Variants in MGRN1 observed in about 807,000 individuals in gnomAD.
MGRN1 encodes mahogunin ring finger 1.
Under a neutral mutation model 69.2 loss-of-function variants are expected in MGRN1, and 29 were observed. That is an observed-to-expected ratio of 0.42 (90% confidence interval 0.31 to 0.57). The LOEUF is 0.57. Among genes scored for constraint, MGRN1 ranks in the 20% least tolerant of loss-of-function variants. The probability of loss-of-function intolerance (pLI) is 0.15; values close to 1 mark genes in which losing one functional copy is unlikely to be tolerated. For missense variants in MGRN1, 998 were observed against 796.2 expected (o/e 1.25, Z -3.05); for synonymous variants, 470 against 344.2 (o/e 1.37, Z -4.04).
chr16:4,630,613 A>C (rs991971202), intron 1 of MGRN1, among the ~76,000 whole-genome samples: 1 of 151,390 alleles, frequency 6.6e-6, no homozygotes, highest in Admixed American at 6.6e-5. Flanking sequence ...ACGCCCGGCT[A>C]ATTTTTGGAT....
At chr16:4,672,605 T>C (rs901747501) in intron 9 of MGRN1, 22 of 387,956 alleles carry the variant, frequency 5.7e-5, no homozygotes, top group Admixed American at 5.9e-5. Context: ...GGGCATATGG[T>C]CTCTGTTGCA....
chr16:4,636,665 G>C (rs1646185619), intron 1 of MGRN1, among the ~76,000 whole-genome samples: 1 of 152,182 alleles, frequency 6.6e-6, no homozygotes. Flanking sequence ...TAGGTAGGGT[G>C]AGGGGTGTGT....
At chr16:4,661,667 A>C (rs2078684584) in intron 5 of MGRN1, among the ~76,000 whole-genome samples, 1 of 152,232 alleles carries the variant, frequency 6.6e-6, no homozygotes, top group South Asian at 2.1e-4. Context: ...AGACCACGGC[A>C]CTTCTCAGCC....
chr16:4,641,006 G>T (rs988163544), intron 1 of MGRN1, among the ~76,000 whole-genome samples: 2 of 152,226 alleles, frequency 1.3e-5, no homozygotes, highest in African/African-American at 2.4e-5. Flanking sequence ...ACCTCAGCAG[G>T]TGTGGAGGGA....
chr16:4,683,787 A>T (rs988288373), intron 15 of MGRN1, 56 bp from the exon 16 acceptor site: 2 of 1,509,086 alleles, frequency 1.3e-6, no homozygotes, highest in Middle Eastern at 1.7e-4. Context: ...GCCCAGAGGG[A>T]CCTGCCGGGA....
At chr16:4,667,184 C>A (rs2078824027) in intron 7 of MGRN1, among the ~76,000 whole-genome samples, 1 of 152,240 alleles carries the variant, frequency 6.6e-6, no homozygotes, top group African/African-American at 2.4e-5. Flanking sequence ...CACCCACCTC[C>A]AGCCCCATGT....
Position 4,626,555 on chromosome 16 carries a change from A to T in MGRN1, c.88+1507A>T, listed in dbSNP as rs186478263. Among the ~76,000 whole-genome samples, 560 of 152,318 alleles carry T rather than the reference A, an allele frequency of 3.7e-3. 3 individuals carry two copies. The highest frequency in any genetic ancestry group is 0.024 in the Middle Eastern group (7 of 294). Reference sequence around the variant, plus strand: ...GAAGTCCCCAAATGGTAGCTGCTACAATTGCTCATAAAGGAAGATAAGTGA... The same window carrying T: ...GAAGTCCCCAAATGGTAGCTGCTACTATTGCTCATAAAGGAAGATAAGTGA... On this transcript the variant is annotated intron_variant, in intron 1 of 16. Transcript: ENST00000262370.
Position 4,674,317 on chromosome 16 carries a change from C to T in MGRN1, c.955+660C>T, listed in dbSNP as rs533684959. On this transcript the variant is annotated intron_variant, in intron 10 of 16. Transcript: ENST00000262370. ...TTATTTTATTTTTTTGAGATAGAGTCTCGCTCTGTCACCCAGGCTGGAGTG... is the reference window on the plus strand; with the variant it reads ...TTATTTTATTTTTTTGAGATAGAGTTTCGCTCTGTCACCCAGGCTGGAGTG... Among the ~76,000 whole-genome samples the T allele has an allele frequency of 5.9e-5, 9 of 151,826 alleles. No homozygotes were observed. In the East Asian group the frequency reaches 1.8e-3, roughly 30 times the overall value.
At chr16:4,663,578 G>GC (rs999503375) in intron 5 of MGRN1, among the ~76,000 whole-genome samples, 3 of 152,154 alleles carry the variant, frequency 2.0e-5, no homozygotes, top group African/African-American at 7.2e-5. Flanking sequence ...GCTGTTCTGT[G>GC]CCAGACACCG....
intron 16 of MGRN1, chr16:4,688,513 A>G (rs1044691447): frequency 1.0e-5 from 12 of 1,204,954 alleles, no homozygotes; most frequent in Non-Finnish European, 1.2e-5. Flanking sequence ...GAGGGCATCC[A>G]CCGCGGTGCC....
chr16:4,660,769 G>A (rs1302355519), intron 5 of MGRN1, among the ~76,000 whole-genome samples: 3 of 126,594 alleles, frequency 2.4e-5, no homozygotes, highest in Non-Finnish European at 5.7e-5. Flanking sequence ...GATGACTCCT[G>A]TGTGGACTCA....
At chr16:4,644,425 C>T (rs746475157) in intron 1 of MGRN1, among the ~76,000 whole-genome samples, 1 of 151,784 alleles carries the variant, frequency 6.6e-6, no homozygotes. Flanking sequence ...ATTTTCCTGC[C>T]TCAGCCTCCC....
chr16:4,681,636 C>G lies in MGRN1; in HGVS notation c.1218C>G (p.Pro406=). Residue 406 remains proline, a synonymous_variant, in exon 13 of 17, where the codon CCC becomes CCG. Transcript: ENST00000262370. ...TCCGGGCTGTCTCCCCGGCCATCCC[C>G]TCGGCCCCTCTTTATGAAGAAATCA... ...NGLRAVSPAI[P]SAPLYEEITY... The G allele has an allele frequency of 6.2e-7, 1 of 1,613,526 alleles. No individual in the cohort carries two copies. Among genetic ancestry groups the G allele is most frequent in the Non-Finnish European group, 8.5e-7 (1 of 1,180,020 alleles).
At chr16:4,672,024 G>C (rs558789355) in intron 9 of MGRN1, among the ~76,000 whole-genome samples, 1 of 152,300 alleles carries the variant, frequency 6.6e-6, no homozygotes. Context: ...TCCTGCCTCA[G>C]CCTCCTGAGT....
At chr16:4,638,853 C>T (rs886413290) in intron 1 of MGRN1, among the ~76,000 whole-genome samples, 36 of 152,184 alleles carry the variant, frequency 2.4e-4, no homozygotes, top group African/African-American at 4.8e-4. Context: ...CGGGTGGGAA[C>T]GATGGCTGAG....
chr16:4,665,087 C>G lies in MGRN1; in HGVS notation c.629-15C>G, dbSNP rs551926003. 4.3e-6 allele frequency: 7 copies of G among 1,614,202 alleles called. No homozygotes were observed. Among genetic ancestry groups the G allele is most frequent in the African/African-American group, 1.3e-5 (1 of 75,056 alleles). On this transcript the variant is annotated splice_polypyrimidine_tract_variant and intron_variant, in intron 6 of 16. Coordinates refer to ENST00000262370, the MANE Select transcript of MGRN1 (RefSeq NM_015246.4). ...GGCCCCGACTCTGACTACTCTGCCC[C>G]TCTCTCCCCAGCAGTGGTGGAAGTG...
intron 5 of MGRN1, among the ~76,000 whole-genome samples, chr16:4,659,699 C>T (rs1487698445): frequency 2.6e-5 from 4 of 152,248 alleles, no homozygotes; most frequent in Non-Finnish European, 5.9e-5. Flanking sequence ...GCTGCTGCTG[C>T]GGGGCCTTCA....
At chr16:4,656,870 ACT>A (rs2078552857) in intron 4 of MGRN1, among the ~76,000 whole-genome samples, 1 of 150,746 alleles carries the variant, frequency 6.6e-6, no homozygotes, top group Non-Finnish European at 1.5e-5. Flanking sequence ...ACAGAGCGAG[ACT>A]CTTATCTCAA....
chr16:4,652,672 G>A lies in MGRN1; in HGVS notation c.297-6G>A, dbSNP rs1404275532. On this transcript the variant is annotated splice_region_variant and splice_polypyrimidine_tract_variant and intron_variant, in intron 3 of 16. Coordinates refer to ENST00000262370, the MANE Select transcript of MGRN1 (RefSeq NM_015246.4). ...CCGCTGCCTTTCTCTCCACCGCCTG[G>A]GGTAGGTACAAAGACGATGCCGACA... 3 of 1,606,262 alleles carry A rather than the reference G, an allele frequency of 1.9e-6. No homozygotes were observed. Among genetic ancestry groups the A allele is most frequent in the Non-Finnish European group, 2.6e-6 (3 of 1,175,074 alleles).
Sources: gnomAD v4.1 joint callset for allele counts (sites outside exome capture counted in the v4.1 genomes callset) on GRCh38, gnomAD v4.1.1 for gene constraint, MANE v1.5 for transcripts, NCBI Gene and HGNC (gene_info 2026-07-23, HGNC 2026-07-21) for gene names.